Variants in ZNF496 observed in about 807,000 individuals in gnomAD.
The protein encoded by ZNF496 is zinc finger protein 496, also known as NSD1 (nuclear receptor binding SET-domain containing 1)-interacting zinc finger protein 1.
In ZNF496, 11 loss-of-function variants were observed where a neutral mutation model predicts 58.9. The observed-to-expected ratio is 0.19, with a 90% CI of 0.12 to 0.31. The LOEUF is 0.31. Ranked by LOEUF, ZNF496 falls within the 10% of genes least tolerant of loss-of-function variation. The pLI is 1.00. For synonymous variants in ZNF496, 338 were observed against 318.2 expected (o/e 1.06, Z -0.66); for missense variants, 660 against 783.0 (o/e 0.84, Z 1.88).
At chr1:247,304,978 G>C (rs1218614673) in intron 9 of ZNF496, among the ~76,000 whole-genome samples, 2 of 152,146 alleles carry the variant, frequency 1.3e-5, no homozygotes, top group Non-Finnish European at 2.9e-5. Flanking sequence ...TTGTGCATGT[G>C]GGAAAGACAT....
intron 6 of ZNF496, chr1:247,322,582 G>C (rs1659995776): frequency 4.2e-6 from 2 of 476,530 alleles, no homozygotes; most frequent in Non-Finnish European, 7.1e-6. Flanking sequence ...AGGCGAGTAA[G>C]ATCACCTGCT....
intron 5 of ZNF496, among the ~76,000 whole-genome samples, chr1:247,328,194 C>T (rs1489483583): frequency 2.6e-5 from 4 of 152,180 alleles, no homozygotes; most frequent in African/African-American, 9.7e-5. Context: ...TGTTCTGGCC[C>T]CACACACTAG....
intron 9 of ZNF496, among the ~76,000 whole-genome samples, chr1:247,303,753 T>C (rs1010161803): frequency 1.1e-4 from 16 of 152,066 alleles, no homozygotes; most frequent in Non-Finnish European, 1.9e-4. Flanking sequence ...GAAGAAGGAA[T>C]TGTTGTAGCA....
chr1:247,320,971 G>A lies in ZNF496; in HGVS notation c.651+2183C>T, dbSNP rs184907588. Among the ~76,000 whole-genome samples, 907 of 152,194 alleles carry A rather than the reference G, an allele frequency of 6.0e-3. 10 individuals are homozygous for A. Among genetic ancestry groups the A allele is most frequent in the African/African-American group, 0.02 (845 of 41,536 alleles). Reference sequence around the variant, plus strand: ...AGGTGGATCACGAGGTCAAGAGTTCGAGTTCAAGAGCCTGACTAACATGGT... The same window carrying A: ...AGGTGGATCACGAGGTCAAGAGTTCAAGTTCAAGAGCCTGACTAACATGGT... On this transcript the variant is annotated intron_variant, in intron 6 of 9. Coordinates refer to ENST00000682384, the MANE Select transcript of ZNF496 (RefSeq NM_032752.3).
intron 2 of ZNF496, among the ~76,000 whole-genome samples, chr1:247,331,126 C>A (rs1487497971): frequency 6.6e-6 from 1 of 152,186 alleles, no homozygotes; most frequent in Non-Finnish European, 1.5e-5. Flanking sequence ...CGAGCACCGG[C>A]GCCCACCCGG....
At chr1:247,310,073 A>G (rs1659544057) in intron 7 of ZNF496, 1 of 1,429,548 alleles carries the variant, frequency 7.0e-7, no homozygotes, top group Admixed American at 2.9e-5. Context: ...AGAGAAATGG[A>G]CATACAGCAC....
intron 2 of ZNF496, 140 bp from the exon 3 acceptor site, chr1:247,330,221 C>G (rs950683897): frequency 6.6e-6 from 1 of 152,266 alleles, no homozygotes; most frequent in Non-Finnish European, 1.5e-5. Context: ...CCAGCAGAGT[C>G]TGCAATGGGA....
intron 5 of ZNF496, among the ~76,000 whole-genome samples, chr1:247,325,115 G>A (rs945192340): frequency 8.5e-5 from 13 of 152,238 alleles, no homozygotes; most frequent in Non-Finnish European, 1.3e-4. Flanking sequence ...AGAGGCCAGT[G>A]TCCCTGGCCT....
rs1660251745 is a variant in ZNF496, at chr1:247,329,612, G to A, written c.-34C>T. The A allele has an allele frequency of 2.0e-6, 3 of 1,520,338 alleles. No individual in the cohort carries two copies. The highest frequency in any genetic ancestry group is 2.6e-6 in the Non-Finnish European group (3 of 1,138,276). 94.2% of individuals were successfully genotyped at this position (1,520,338 alleles called of 1,614,324 possible). On this transcript the variant is annotated 5_prime_UTR_variant, in exon 4 of 10. Coordinates refer to ENST00000682384, the MANE Select transcript of ZNF496 (RefSeq NM_032752.3). The surrounding 1 kb of genome is among the most constrained non-coding windows in gnomAD (Gnocchi z 5.5). ...TTGATGGGGGTCAGCAGCAGAAGACGACCCTATTTCCAAACAGAAATCACT... is the reference window on the plus strand; with the variant it reads ...TTGATGGGGGTCAGCAGCAGAAGACAACCCTATTTCCAAACAGAAATCACT...
Position 247,308,424 on chromosome 1 carries a change from C to A in ZNF496, c.1006+51G>T. 2.0e-6 allele frequency: 3 copies of A among 1,532,312 alleles called. No individual in the cohort carries two copies. The highest frequency in any genetic ancestry group is 1.8e-6 in the Non-Finnish European group (2 of 1,106,796). 94.9% of individuals were successfully genotyped at this position (1,532,312 alleles called of 1,614,324 possible). ...CACATGCATACATACATTCATGCGACACACCACAGACACACAGGGACAAAC... is the reference window on the plus strand; with the variant it reads ...CACATGCATACATACATTCATGCGAAACACCACAGACACACAGGGACAAAC... On this transcript the variant is annotated intron_variant, in intron 9 of 9. Coordinates refer to ENST00000682384, the MANE Select transcript of ZNF496 (RefSeq NM_032752.3). This position sits in a 1 kb window ranked among gnomAD's most constrained non-coding sequence, Gnocchi z 4.5.
At chr1:247,310,496 G>A (rs767462634) in intron 6 of ZNF496, 40 bp from the exon 7 acceptor site, 42 of 1,611,246 alleles carry the variant, frequency 2.6e-5, no homozygotes, top group South Asian at 2.5e-4. Flanking sequence ...AGTCCGGGAC[G>A]AGCTAGGTGT....
chr1:247,321,589 T>C (rs529237068), intron 6 of ZNF496, among the ~76,000 whole-genome samples: 4 of 152,340 alleles, frequency 2.6e-5, no homozygotes, highest in South Asian at 2.1e-4. Context: ...TGGTGACTTT[T>C]AGTGCACTGG....
chr1:247,316,212 TGC>T (rs1194958412), intron 6 of ZNF496, among the ~76,000 whole-genome samples: 5 of 17,328 alleles, frequency 2.9e-4, no homozygotes, highest in East Asian at 2.5e-3. Context: ...TGCGCGCGCG[TGC>T]GCGTGTGTGT....
chr1:247,326,456 A>C (rs1660130465), intron 5 of ZNF496, among the ~76,000 whole-genome samples: 2 of 152,102 alleles, frequency 1.3e-5, no homozygotes, highest in African/African-American at 4.8e-5. Flanking sequence ...TTGCTGGCTT[A>C]TCTCAGAACT....
chr1:247,327,670 G>A (rs1255666255), intron 5 of ZNF496, among the ~76,000 whole-genome samples: 5 of 152,198 alleles, frequency 3.3e-5, no homozygotes, highest in Non-Finnish European at 7.3e-5. Context: ...AGGCATTTTG[G>A]TTTTATTACT....
intron 2 of ZNF496, among the ~76,000 whole-genome samples, chr1:247,330,633 C>A (rs1003459517): frequency 5.3e-5 from 8 of 152,356 alleles, no homozygotes; most frequent in African/African-American, 1.7e-4. Context: ...ATGATTCCCA[C>A]TTTAGAACGC....
intron 4 of ZNF496, 131 bp from the exon 5 acceptor site, chr1:247,328,997 A>C (rs951016262): frequency 1.4e-6 from 2 of 1,387,782 alleles, no homozygotes; most frequent in African/African-American, 1.4e-5. Context: ...GTAAAGGGGC[A>C]CGACACTATC....
chr1:247,325,386 T>C (rs1248497871), intron 5 of ZNF496, among the ~76,000 whole-genome samples: 3 of 152,258 alleles, frequency 2.0e-5, no homozygotes, highest in African/African-American at 7.2e-5. Context: ...CCCAGTTTTA[T>C]TAAGCTATAA....
At chr1:247,310,543 G>A (rs1572077947) in intron 6 of ZNF496, 87 bp from the exon 7 acceptor site, 6 of 1,522,810 alleles carry the variant, frequency 3.9e-6, no homozygotes, top group East Asian at 4.5e-5. Context: ...ACAACACAAC[G>A]CTGTAGGACG....
Sources: allele counts gnomAD v4.1 joint callset (sites outside exome capture counted in the v4.1 genomes callset), GRCh38; gene constraint gnomAD v4.1.1; non-coding constraint Gnocchi (gnomAD v3.1); transcripts MANE v1.5; gene names NCBI Gene and HGNC (gene_info 2026-07-23, HGNC 2026-07-21).